Variants in NFIA observed in about 807,000 individuals in gnomAD.
NFIA encodes the protein nuclear factor I A.
NFIA carries 8 observed loss-of-function variants against 62.8 expected under a neutral mutation model. That is an observed-to-expected ratio of 0.13 (90% CI 0.07 to 0.23). The LOEUF (loss-of-function observed/expected upper bound fraction) is 0.23. Among genes scored for constraint, NFIA ranks in the 10% least tolerant of loss-of-function variants. NFIA has a pLI of 1.00. For synonymous variants in NFIA, 235 were observed against 238.1 expected (o/e 0.99, Z 0.12); for missense variants, 410 against 642.1 (o/e 0.64, Z 3.91).
intron 10 of NFIA, among the ~76,000 whole-genome samples, chr1:61,428,571 A>G (rs1316390469): frequency 2.0e-5 from 3 of 152,076 alleles, no homozygotes; most frequent in Non-Finnish European, 2.9e-5. Context: ...GGTAAAAATT[A>G]TGTGTTCTAA....
At chr1:61,122,480 A>G (rs548190322) in intron 2 of NFIA, among the ~76,000 whole-genome samples, 1 of 152,294 alleles carries the variant, frequency 6.6e-6, no homozygotes, top group South Asian at 2.1e-4. Flanking sequence ...TCCTGACATA[A>G]AAAAAGGTGG....
chr1:61,182,887 A>G (rs937731432), intron 2 of NFIA, among the ~76,000 whole-genome samples: 1 of 152,240 alleles, frequency 6.6e-6, no homozygotes, highest in Non-Finnish European at 1.5e-5. Flanking sequence ...ATTGTAGTCA[A>G]CCTTTTCCCC....
intron 2 of NFIA, among the ~76,000 whole-genome samples, chr1:61,258,248 G>A (rs1327753614): frequency 2.0e-5 from 3 of 152,156 alleles, no homozygotes; most frequent in African/African-American, 4.8e-5. Flanking sequence ...AATTTTATCT[G>A]TGATTGTGTA....
chr1:61,356,956 T>G (rs1302849252), intron 5 of NFIA, among the ~76,000 whole-genome samples: 1 of 152,226 alleles, frequency 6.6e-6, no homozygotes, highest in Non-Finnish European at 1.5e-5. Flanking sequence ...CCCTTTGCCT[T>G]TCTAAATCTA....
At chr1:61,431,830 G>A (rs1667107466) in intron 10 of NFIA, among the ~76,000 whole-genome samples, 1 of 152,196 alleles carries the variant, frequency 6.6e-6, no homozygotes, top group Admixed American at 6.5e-5. Flanking sequence ...GCCATTCCGT[G>A]TGTCATATTC....
At chr1:61,426,858 AGC>A (rs1666893470) in intron 10 of NFIA, among the ~76,000 whole-genome samples, 1 of 152,140 alleles carries the variant, frequency 6.6e-6, no homozygotes, top group Non-Finnish European at 1.5e-5. Flanking sequence ...TCTAAATGCA[AGC>A]AGACAGAAGC....
intron 2 of NFIA, among the ~76,000 whole-genome samples, chr1:61,121,938 A>G (rs1280168168): frequency 6.6e-6 from 1 of 152,180 alleles, no homozygotes; most frequent in East Asian, 1.9e-4. Context: ...AGGAGGCTGG[A>G]GCTACCTTCC....
intron 2 of NFIA, among the ~76,000 whole-genome samples, chr1:61,112,755 A>G (rs1264967592): frequency 6.6e-6 from 1 of 152,214 alleles, no homozygotes; most frequent in African/African-American, 2.4e-5. Context: ...ACAATGGATT[A>G]ATGACGTTTT....
intron 6 of NFIA, among the ~76,000 whole-genome samples, chr1:61,366,890 TC>T (rs1027660092): frequency 6.6e-4 from 100 of 152,236 alleles, no homozygotes; most frequent in African/African-American, 2.4e-3. Context: ...GCCATTGCAC[TC>T]CAGTCTGGGC....
At chr1:61,308,267 CTT>C (rs1351836509) in intron 3 of NFIA, among the ~76,000 whole-genome samples, 2 of 152,130 alleles carry the variant, frequency 1.3e-5, no homozygotes, top group Non-Finnish European at 2.9e-5. Context: ...TGATGACAGT[CTT>C]TTAACGAAAC....
intron 10 of NFIA, among the ~76,000 whole-genome samples, chr1:61,433,289 C>T (rs1334523856): frequency 1.3e-5 from 2 of 152,146 alleles, no homozygotes; most frequent in African/African-American, 4.8e-5. Context: ...GGGAAGAAGA[C>T]CTTTACTAAT....
At chr1:61,096,961 TAA>T (rs1361904027) in intron 2 of NFIA, among the ~76,000 whole-genome samples, 1 of 152,206 alleles carries the variant, frequency 6.6e-6, no homozygotes, top group African/African-American at 2.4e-5. Flanking sequence ...TATACTATAT[TAA>T]GTCATTATAC....
At chr1:61,135,598 G>T (rs928463299) in intron 2 of NFIA, among the ~76,000 whole-genome samples, 2 of 152,040 alleles carry the variant, frequency 1.3e-5, no homozygotes, top group Non-Finnish European at 2.9e-5. Context: ...GTAGACACAG[G>T]GTCTCCCTGT....
At chr1:61,240,114 T>C (rs1655255273) in intron 2 of NFIA, among the ~76,000 whole-genome samples, 1 of 152,164 alleles carries the variant, frequency 6.6e-6, no homozygotes, top group African/African-American at 2.4e-5. Flanking sequence ...ATTTCGATCA[T>C]GGTTTAACTA....
At chr1:61,333,832 G>T (rs905227101) in intron 4 of NFIA, among the ~76,000 whole-genome samples, 1 of 151,772 alleles carries the variant, frequency 6.6e-6, no homozygotes, top group African/African-American at 2.4e-5. Flanking sequence ...ACCCCGTCTC[G>T]ACTAAAAATA....
At chr1:61,242,022 A>G (rs1655379582) in intron 2 of NFIA, among the ~76,000 whole-genome samples, 1 of 152,050 alleles carries the variant, frequency 6.6e-6, no homozygotes, top group Admixed American at 6.6e-5. Context: ...AGTGGCACAA[A>G]CTTTATATAC....
At chr1:61,089,697 T>TTTTTTTTC (rs1553149369) in intron 2 of NFIA, among the ~76,000 whole-genome samples, 12 of 144,034 alleles carry the variant, frequency 8.3e-5, no homozygotes, top group Non-Finnish European at 1.7e-4. Flanking sequence ...TTTTTTTTCT[T>TTTTTTTTC]TTTTTTTTTT....
At chr1:61,299,163 C>A (rs74785161) in intron 3 of NFIA, among the ~76,000 whole-genome samples, 3,924 of 152,268 alleles carry the variant, frequency 0.026, 71 homozygotes, top group East Asian at 0.053. Flanking sequence ...CTGAATTTTT[C>A]CTTCCTTGAC....
At chr1:61,445,305 A>T (rs1667758925) in intron 10 of NFIA, among the ~76,000 whole-genome samples, 1 of 152,184 alleles carries the variant, frequency 6.6e-6, no homozygotes, top group African/African-American at 2.4e-5. Context: ...TTCACCTTGC[A>T]CAAATCCCAA....
Sources: gnomAD v4.1 joint callset for allele counts (sites outside exome capture counted in the v4.1 genomes callset) on GRCh38, gnomAD v4.1.1 for gene constraint, MANE v1.5 for transcripts, NCBI Gene and HGNC (gene_info 2026-07-23, HGNC 2026-07-21) for gene names.